The following SLC24A2 variants were observed in gnomAD, a reference collection of about 807,000 sequenced individuals.
SLC24A2 encodes solute carrier family 24 member 2.
A neutral mutation model predicts 62.0 loss-of-function variants in SLC24A2; 36 were observed. The observed-to-expected ratio is 0.58, with a 90% CI of 0.44 to 0.77. The LOEUF (loss-of-function observed/expected upper bound fraction) is 0.77, where lower values mean the gene tolerates loss of function less well. SLC24A2 is among the 30% of genes least tolerant of loss of function. The probability of loss-of-function intolerance (pLI) is 0.00; values close to 1 mark genes in which losing one functional copy is unlikely to be tolerated. For synonymous variants in SLC24A2, 358 were observed against 294.0 expected, an observed-to-expected ratio of 1.22 and a Z score of -2.23; for missense variants, 846 against 817.9, an observed-to-expected ratio of 1.03 and a Z score of -0.42.
the SLC24A2 span, among the ~76,000 whole-genome samples, chr9:20,197,243 G>A: frequency 2.0e-5 from 3 of 151,988 alleles, no homozygotes; most frequent in Non-Finnish European, 4.4e-5. Flanking sequence ...TATATAGAGA[G>A]GATTGCCAAA....
At chr9:20,256,861 C>A in the SLC24A2 span, among the ~76,000 whole-genome samples, 1,328 of 151,832 alleles carry the variant, frequency 8.7e-3, 12 homozygotes, top group Middle Eastern at 0.034. Context: ...ATGAAATAGT[C>A]CCCAAGGGTA....
intron 2 of SLC24A2, among the ~76,000 whole-genome samples, chr9:19,647,280 C>T (rs1818671059): frequency 6.8e-6 from 1 of 147,382 alleles, no homozygotes; most frequent in Admixed American, 6.8e-5. Context: ...AAATATTTAG[C>T]TGTTACAACT....
At chr9:19,882,753 C>T in the SLC24A2 span, among the ~76,000 whole-genome samples, 1 of 151,710 alleles carries the variant, frequency 6.6e-6, no homozygotes, top group Non-Finnish European at 1.5e-5. Flanking sequence ...ACTCACCCCA[C>T]AGGTTAGAGA....
At chr9:19,908,679 A>G in the SLC24A2 span, among the ~76,000 whole-genome samples, 2 of 152,236 alleles carry the variant, frequency 1.3e-5, no homozygotes, top group Admixed American at 6.5e-5. Flanking sequence ...AAGGATATGA[A>G]CAGACACTTT....
At chr9:20,005,267 G>C in the SLC24A2 span, among the ~76,000 whole-genome samples, 22 of 152,006 alleles carry the variant, frequency 1.4e-4, 1 homozygote, top group Non-Finnish European at 2.9e-5. Flanking sequence ...TGTTGGACTT[G>C]GGAAATTATC....
the SLC24A2 span, among the ~76,000 whole-genome samples, chr9:19,810,485 T>G: frequency 6.6e-6 from 1 of 152,208 alleles, no homozygotes; most frequent in Admixed American, 6.5e-5. Context: ...ATCAGGAACA[T>G]GAAGAACTGA....
the SLC24A2 span, among the ~76,000 whole-genome samples, chr9:20,074,182 C>G: frequency 0.42 from 64,341 of 151,772 alleles, 14,152 homozygotes; most frequent in Middle Eastern, 0.54. Flanking sequence ...TATTAGAATT[C>G]TGATTTATAC....
At chr9:20,281,826 G>A in the SLC24A2 span, among the ~76,000 whole-genome samples, 1 of 152,122 alleles carries the variant, frequency 6.6e-6, no homozygotes, top group South Asian at 2.1e-4. Context: ...AATAATCTGG[G>A]GAAAATTGAT....
At chr9:19,882,749 C>T in the SLC24A2 span, among the ~76,000 whole-genome samples, 2 of 151,846 alleles carry the variant, frequency 1.3e-5, no homozygotes, top group African/African-American at 2.4e-5. Context: ...TAAAACTCAC[C>T]CCACAGGTTA....
intron 4 of SLC24A2, among the ~76,000 whole-genome samples, chr9:19,600,670 C>T (rs567597619): frequency 4.5e-4 from 68 of 152,214 alleles, no homozygotes; most frequent in Admixed American, 1.3e-3. Flanking sequence ...TCATTTTCAG[C>T]CTTGCTTCTC....
At chr9:19,750,219 G>A (rs1380927867) in intron 2 of SLC24A2, among the ~76,000 whole-genome samples, 1 of 152,112 alleles carries the variant, frequency 6.6e-6, no homozygotes, top group African/African-American at 2.4e-5. Context: ...GGGAATACCA[G>A]AAAGGCCCAG....
the SLC24A2 span, among the ~76,000 whole-genome samples, chr9:20,177,217 T>G: frequency 1.3e-5 from 2 of 152,276 alleles, no homozygotes; most frequent in East Asian, 3.9e-4. Flanking sequence ...ATATCTGTAG[T>G]ATGACTTTTT....
At chr9:20,211,490 C>T in the SLC24A2 span, among the ~76,000 whole-genome samples, 1 of 152,006 alleles carries the variant, frequency 6.6e-6, no homozygotes. Flanking sequence ...CCAGCCTGGG[C>T]AAGAAGAGCG....
the SLC24A2 span, among the ~76,000 whole-genome samples, chr9:20,002,889 C>T: frequency 1.3e-5 from 2 of 152,204 alleles, no homozygotes; most frequent in African/African-American, 4.8e-5. Context: ...CATCCTCCAC[C>T]TACCTGTAGG....
the SLC24A2 span, among the ~76,000 whole-genome samples, chr9:20,016,405 G>A: frequency 2.0e-4 from 31 of 152,228 alleles, no homozygotes; most frequent in Non-Finnish European, 3.4e-4. Flanking sequence ...AAGTTTGTGA[G>A]GTCAAATTAA....
the SLC24A2 span, among the ~76,000 whole-genome samples, chr9:20,135,549 G>GT: frequency 6.6e-6 from 1 of 152,008 alleles, no homozygotes; most frequent in Non-Finnish European, 1.5e-5. Flanking sequence ...CGAGGTCATT[G>GT]TAAGTATTAA....
the SLC24A2 span, among the ~76,000 whole-genome samples, chr9:20,120,142 T>C: frequency 6.6e-6 from 1 of 152,212 alleles, no homozygotes; most frequent in African/African-American, 2.4e-5. Context: ...ACAAGTATTT[T>C]TTCTCATCTG....
At chr9:20,051,657 CTTTTTTTTTTTT>C in the SLC24A2 span, among the ~76,000 whole-genome samples, 1 of 73,514 alleles carries the variant, frequency 1.4e-5, no homozygotes, top group Non-Finnish European at 2.4e-5. Context: ...TTTTCTTTCT[CTTTTTTTTTTTT>C]TTTTTTTTTT....
At chr9:19,887,383 T>C in the SLC24A2 span, among the ~76,000 whole-genome samples, 1 of 152,156 alleles carries the variant, frequency 6.6e-6, no homozygotes, top group Admixed American at 6.6e-5. Context: ...ATAGTGTCTT[T>C]TGCTGTACAG....
Sources: allele counts gnomAD v4.1 joint callset (sites outside exome capture counted in the v4.1 genomes callset), GRCh38; gene constraint gnomAD v4.1.1; transcripts MANE v1.5; gene names NCBI Gene and HGNC (gene_info 2026-07-23, HGNC 2026-07-21).